MAVS: variants seen among roughly 807,000 people sequenced by gnomAD.
The protein encoded by MAVS is mitochondrial antiviral-signaling protein.
Under a neutral mutation model 30.2 loss-of-function variants are expected in MAVS, and 20 were observed. The ratio of observed to expected loss-of-function variants is 0.66; its 90% CI spans 0.47 to 0.96. MAVS has a LOEUF of 0.96. Ranked by LOEUF, MAVS falls within the 40% of genes least tolerant of loss-of-function variation. The pLI, the probability that MAVS is intolerant of heterozygous loss-of-function variation, is 0.00. For synonymous variants in MAVS, 278 were observed against 293.9 expected (o/e 0.95, Z 0.55); for missense variants, 624 against 701.1 (o/e 0.89, Z 1.24).
In MAVS at chr20:3,854,698, TAG is replaced by T; in HGVS notation, c.78_79del (p.Glu26AspfsTer54). 1 of 1,613,898 alleles carries T rather than the reference TAG, an allele frequency of 6.2e-7. No individual in the cohort carries two copies. Among genetic ancestry groups the T allele is most frequent in the Non-Finnish European group, 8.5e-7 (1 of 1,179,920 alleles). ...AGCAATTTTTGCAATGTGGATGTTG[TAG>T]AGATTCTGCCTTACCTGCCCTGCCT... On this transcript the variant is annotated frameshift_variant, in exon 2 of 7. Coordinates refer to ENST00000428216, the MANE Select transcript of MAVS (RefSeq NM_020746.5). LOFTEE classifies it high-confidence loss of function.
intron 6 of MAVS, 137 bp downstream of exon 6, chr20:3,864,925 CAT>C: frequency 3.8e-6 from 4 of 1,060,910 alleles, no homozygotes; most frequent in Non-Finnish European, 2.7e-6. Context: ...TCCTTGAGGG[CAT>C]ACAGACAGTT....
At chr20:3,864,826 T>C in intron 6 of MAVS, 38 bp downstream of exon 6, 5 of 1,596,654 alleles carry the variant, frequency 3.1e-6, no homozygotes, top group Non-Finnish European at 4.3e-6. Flanking sequence ...TCCTGGCCCC[T>C]TCCCCCGGGA....
chr20:3,864,591 A>G lies in MAVS; in HGVS notation c.961A>G (p.Thr321Ala), dbSNP rs1317763749. 6.2e-7 allele frequency: 1 copy of G among 1,614,034 alleles called. No individual in the cohort carries two copies. Among genetic ancestry groups the G allele is most frequent in the East Asian group, 2.2e-5 (1 of 44,894 alleles). ...GCCTGCCAACCCAGCATCTGTCAGC[A>G]CAGTGCCCTCCAAGTTGCCAACTAG... Reference protein sequence around the residue: ...KVPANPASVSTVPSKLPTSSK... With the variant: ...KVPANPASVSAVPSKLPTSSK... Residue 321 changes from threonine to alanine, a missense_variant, in exon 6 of 7, where the codon ACA (threonine) becomes GCA (alanine). Coordinates refer to ENST00000428216, the MANE Select transcript of MAVS (RefSeq NM_020746.5).
At chr20:3,863,101 A>C (rs2089878979) in intron 5 of MAVS, among the ~76,000 whole-genome samples, 1 of 152,174 alleles carries the variant, frequency 6.6e-6, no homozygotes, top group South Asian at 2.1e-4. Context: ...GAAGGGCTGC[A>C]TCAGCTGTTG....
Position 3,875,844 on chromosome 20 carries a change from T to G in MAVS, c.*9697T>G, listed in dbSNP as rs1019043969. ...CCCCAGGTGCCATTCCCACACCATC[T>G]GAATCACTGATTTCCTCGCAATCAG... On this transcript the variant is annotated 3_prime_UTR_variant, in exon 7 of 7. Coordinates refer to ENST00000428216, the MANE Select transcript of MAVS (RefSeq NM_020746.5). The G allele has an allele frequency of 3.9e-5, 6 of 152,500 alleles. No homozygotes were observed. The highest frequency in any genetic ancestry group is 1.4e-4 in the African/African-American group (6 of 41,458). 9.4% of individuals were successfully genotyped at this position (152,500 alleles called of 1,614,324 possible).
intron 3 of MAVS, among the ~76,000 whole-genome samples, chr20:3,859,316 G>C (rs1000341650): frequency 6.6e-6 from 1 of 151,910 alleles, no homozygotes; most frequent in Non-Finnish European, 1.5e-5. Flanking sequence ...GACCAGCCTG[G>C]CCAATATGGT....
At chr20:3,862,970 G>A (rs2089877917) in intron 5 of MAVS, among the ~76,000 whole-genome samples, 1 of 152,198 alleles carries the variant, frequency 6.6e-6, no homozygotes, top group African/African-American at 2.4e-5. Context: ...CGGGAGGACT[G>A]ACAGGCACAG....
chr20:3,850,053 C>T (rs1600440495), intron 1 of MAVS, among the ~76,000 whole-genome samples: 1 of 150,910 alleles, frequency 6.6e-6, no homozygotes, highest in East Asian at 2.0e-4. Context: ...CCGAGGCGGG[C>T]AGATCACGAG....
In MAVS at chr20:3,873,469, G is replaced by A. The variant is rs2089969771; in HGVS notation, c.*7322G>A. 6.6e-6 allele frequency: 1 copy of A among 152,224 alleles called. No homozygotes were observed. Among genetic ancestry groups the A allele is most frequent in the Non-Finnish European group, 1.5e-5 (1 of 68,076 alleles). The allele number at this position is 152,224 out of a possible 1,614,324, so 9.4% of individuals were successfully genotyped here. Reference sequence around the variant, plus strand: ...GAATAGCTTGAACCCAGTAGGTGGAGATTTCAGTGAGCCGAGATCGTGCCA... The same window carrying A: ...GAATAGCTTGAACCCAGTAGGTGGAAATTTCAGTGAGCCGAGATCGTGCCA... On this transcript the variant is annotated 3_prime_UTR_variant, in exon 7 of 7. Coordinates refer to ENST00000428216, the MANE Select transcript of MAVS (RefSeq NM_020746.5).
rs1216260257 is a variant in MAVS at position 3,869,006 on chromosome 20, CTTTTTCT to C, written c.*2872_*2878del. ...CTAGCCCCGCCTCCCATCCTCCCAT[CTTTTTCT>C]TTTTTCTTTTTTTTAGAGAATCACC... is the stretch of plus-strand genomic sequence containing the variant. On this transcript the variant is annotated 3_prime_UTR_variant, in exon 7 of 7. Transcript: ENST00000428216. The C allele has an allele frequency of 6.6e-6, 1 of 152,184 alleles. No individual in the cohort carries two copies. The highest frequency in any genetic ancestry group is 1.5e-5 in the Non-Finnish European group (1 of 68,026). 9.4% of individuals were successfully genotyped at this position (152,184 alleles called of 1,614,324 possible).
chr20:3,847,920 T>A (rs1470289929), intron 1 of MAVS, among the ~76,000 whole-genome samples: 1 of 152,178 alleles, frequency 6.6e-6, no homozygotes, highest in African/African-American at 2.4e-5. Flanking sequence ...TGAAAGAACC[T>A]TAGGATGTGC....
In MAVS at chr20:3,868,162, C is replaced by T. The variant is rs1053172461; in HGVS notation, c.*2015C>T. 3.3e-5 allele frequency: 5 copies of T among 152,364 alleles called. No individual in the cohort carries two copies. Among genetic ancestry groups the T allele is most frequent in the Admixed American group, 2.6e-4 (4 of 15,262 alleles). 9.4% of individuals were successfully genotyped at this position (152,364 alleles called of 1,614,324 possible). On this transcript the variant is annotated 3_prime_UTR_variant, in exon 7 of 7. Transcript: ENST00000428216. ...CTGCACCCTGGAACCAGGAGTGGACCCTACCCGAGCTGTCTGTATTAATCC... is the reference window on the plus strand; with the variant it reads ...CTGCACCCTGGAACCAGGAGTGGACTCTACCCGAGCTGTCTGTATTAATCC...
intron 2 of MAVS, 122 bp from the exon 3 acceptor site, chr20:3,857,513 C>T: frequency 8.5e-6 from 10 of 1,178,836 alleles, no homozygotes; most frequent in Non-Finnish European, 1.2e-5. Flanking sequence ...GATCCAGTTT[C>T]ACGTGGCTGC....
At chr20:3,860,170 G>A (rs1003657980) in intron 3 of MAVS, among the ~76,000 whole-genome samples, 8 of 151,950 alleles carry the variant, frequency 5.3e-5, no homozygotes, top group African/African-American at 1.9e-4. Context: ...TTGGACCTAT[G>A]GGTGGGGCGG....
intron 2 of MAVS, 145 bp downstream of exon 2, chr20:3,854,886 C>CTTTTT: frequency 2.7e-6 from 1 of 372,146 alleles, no homozygotes; most frequent in East Asian, 5.4e-5. Context: ...GTCCTTGCTG[C>CTTTTT]TTTTCTTTTT....
In MAVS at chr20:3,870,931, A is replaced by C. The variant is rs985920795; in HGVS notation, c.*4784A>C. Reference sequence around the variant, plus strand: ...AGTGTTGCTCTGTTGCCCAGGCTGGAGTGCAGTGGTGCAACTTCGGCTCAC... The same window carrying C: ...AGTGTTGCTCTGTTGCCCAGGCTGGCGTGCAGTGGTGCAACTTCGGCTCAC... On this transcript the variant is annotated 3_prime_UTR_variant, in exon 7 of 7. Coordinates refer to ENST00000428216, the MANE Select transcript of MAVS (RefSeq NM_020746.5). The C allele has an allele frequency of 1.3e-5, 2 of 152,138 alleles. No individual in the cohort carries two copies. Among genetic ancestry groups the C allele is most frequent in the Non-Finnish European group, 2.9e-5 (2 of 68,092 alleles). The allele number at this position is 152,138 out of a possible 1,614,324, so 9.4% of individuals were successfully genotyped here.
chr20:3,854,930 C>T (rs551615145), intron 2 of MAVS, among the ~76,000 whole-genome samples, 189 bp downstream of exon 2: 27 of 133,306 alleles, frequency 2.0e-4, no homozygotes, highest in Non-Finnish European at 3.4e-4. Flanking sequence ...CTCGTTCTGT[C>T]GCCAGGCTGG....
intron 1 of MAVS, among the ~76,000 whole-genome samples, chr20:3,854,206 G>C (rs2089789234): frequency 6.6e-6 from 1 of 151,802 alleles, no homozygotes; most frequent in Middle Eastern, 3.2e-3. Context: ...TGGACCACTT[G>C]AGGTCAGGAG....
In MAVS at chr20:3,864,781, G is replaced by A. The variant is rs772171141; in HGVS notation, c.1151G>A (p.Arg384Lys). ...ACAGTCCCCACTGACGGGAGCAGCA[G>A]AAATGAGGTGAGTCCTCGCCCTTCC... is the stretch of plus-strand genomic sequence containing the variant. ...ASTVPTDGSS[R>K]NEETPAAPTP... Residue 384 changes from arginine to lysine, a missense_variant, in exon 6 of 7, where the codon AGA becomes AAA. Arg to Lys is a conservative substitution (Grantham distance 26). Coordinates refer to ENST00000428216, the MANE Select transcript of MAVS (RefSeq NM_020746.5). 3.1e-6 allele frequency: 5 copies of A among 1,613,072 alleles called. No individual in the cohort carries two copies. In the African/African-American group the frequency reaches 6.7e-5, roughly 22 times the overall value.
Sources: gnomAD v4.1 joint callset for allele counts (sites outside exome capture counted in the v4.1 genomes callset) on GRCh38, gnomAD v4.1.1 for gene constraint, MANE v1.5 for transcripts, NCBI Gene and HGNC (gene_info 2026-07-23, HGNC 2026-07-21) for gene names.